B3GAT2: variants seen among roughly 807,000 people sequenced by gnomAD.
B3GAT2 encodes beta-1,3-glucuronyltransferase 2, also known as galactosylgalactosylxylosylprotein 3-beta-glucuronosyltransferase 2.
In B3GAT2, 26 loss-of-function variants were observed where a neutral mutation model predicts 27.8. That is an observed-to-expected ratio of 0.93 (90% CI 0.68 to 1.30). The LOEUF (loss-of-function observed/expected upper bound fraction) is 1.30. B3GAT2 is among the 50% of genes most tolerant of loss of function. The pLI is 0.00. For missense variants in B3GAT2, 458 were observed against 459.0 expected (o/e 1.00, Z 0.02); for synonymous variants, 218 against 195.1 (o/e 1.12, Z -0.98).
chr6:70,888,080 T>A (rs915714460), intron 2 of B3GAT2, among the ~76,000 whole-genome samples: 1 of 151,752 alleles, frequency 6.6e-6, no homozygotes, highest in Non-Finnish European at 1.5e-5. Context: ...CGAGGTGGAG[T>A]GGACACGGGA....
At chr6:70,936,691 T>C (rs527745971) in intron 1 of B3GAT2, among the ~76,000 whole-genome samples, 189 of 152,116 alleles carry the variant, frequency 1.2e-3, no homozygotes, top group African/African-American at 4.3e-3. Context: ...AATAAAGATG[T>C]TCTTTGAAAC....
At chr6:70,915,422 T>C (rs987715134) in intron 1 of B3GAT2, among the ~76,000 whole-genome samples, 1 of 152,270 alleles carries the variant, frequency 6.6e-6, no homozygotes, top group African/African-American at 2.4e-5. Flanking sequence ...AGATGCCATT[T>C]GTCAATTTTG....
At chr6:70,910,429 G>A (rs1488542057) in intron 1 of B3GAT2, among the ~76,000 whole-genome samples, 1 of 152,096 alleles carries the variant, frequency 6.6e-6, no homozygotes, top group African/African-American at 2.4e-5. Context: ...GCAGCATTTG[G>A]TTTTCTGTTC....
intron 1 of B3GAT2, among the ~76,000 whole-genome samples, chr6:70,937,491 C>T (rs1765311906): frequency 1.3e-5 from 2 of 152,008 alleles, no homozygotes; most frequent in Admixed American, 6.6e-5. Context: ...AACATGGATG[C>T]AAAAATCCTC....
At chr6:70,899,903 G>A (rs1772467344) in intron 1 of B3GAT2, among the ~76,000 whole-genome samples, 1 of 152,134 alleles carries the variant, frequency 6.6e-6, no homozygotes, top group Non-Finnish European at 1.5e-5. Flanking sequence ...AATATTCTCA[G>A]TATTTAAAAG....
rs3734372 is a variant in B3GAT2 at position 70,859,138 on chromosome 6, T to C, written c.*2525A>G. ...TGATTTCTAACATTAGCACAATCAC[T>C]ATATATCACAGTTAATTTTGCTACC... On this transcript the variant is annotated 3_prime_UTR_variant, in exon 4 of 4. Transcript: ENST00000230053. 0.19 allele frequency: 94,395 copies of C among 497,784 alleles called. 10,550 individuals are homozygous for C. Among genetic ancestry groups the C allele is most frequent in the East Asian group, 0.32 (9,612 of 30,336 alleles). The allele number at this position is 497,784 out of a possible 1,614,324, so 30.8% of individuals were successfully genotyped here.
intron 2 of B3GAT2, among the ~76,000 whole-genome samples, chr6:70,877,781 T>G (rs1772038096): frequency 6.6e-6 from 1 of 152,164 alleles, no homozygotes; most frequent in Non-Finnish European, 1.5e-5. Flanking sequence ...TACAAAGGCA[T>G]AGATACCTGA....
chr6:70,869,699 T>C (rs1198953650), intron 2 of B3GAT2, among the ~76,000 whole-genome samples: 1 of 152,232 alleles, frequency 6.6e-6, no homozygotes. Flanking sequence ...AGATTGTTCA[T>C]TGCTAGTGTA....
Position 70,956,890 on chromosome 6 carries a change from C to A in B3GAT2, c.-461G>T, listed in dbSNP as rs1311763350. 9.9e-7 allele frequency: 1 copy of A among 1,013,642 alleles called. No individual in the cohort carries two copies. Among genetic ancestry groups the A allele is most frequent in the Non-Finnish European group, 1.2e-6 (1 of 848,754 alleles). The allele number at this position is 1,013,642 out of a possible 1,614,324, so 62.8% of individuals were successfully genotyped here. A position where few individuals can be genotyped will look rare whatever the true frequency, so the allele number is the denominator to read the frequency against. ...CCCAGGACGCTCTCTGGGACGCCTT[C>A]GAGGGCGGGCGGCGGCGCTGGGGGC... On this transcript the variant is annotated 5_prime_UTR_variant, in exon 1 of 4. Coordinates refer to ENST00000230053, the MANE Select transcript of B3GAT2 (RefSeq NM_080742.3).
intron 2 of B3GAT2, among the ~76,000 whole-genome samples, chr6:70,868,907 G>A (rs1771893536): frequency 6.6e-6 from 1 of 152,118 alleles, no homozygotes; most frequent in East Asian, 1.9e-4. Flanking sequence ...TTGGAATGTT[G>A]TGTGTTTCCA....
intron 1 of B3GAT2, among the ~76,000 whole-genome samples, chr6:70,953,420 CAAT>C (rs1013177215): frequency 1.3e-5 from 2 of 152,054 alleles, no homozygotes; most frequent in African/African-American, 2.4e-5. Flanking sequence ...TGATGGAATT[CAAT>C]AATGTTTGCC....
intron 1 of B3GAT2, among the ~76,000 whole-genome samples, chr6:70,941,632 C>T (rs1319133532): frequency 6.6e-6 from 1 of 152,100 alleles, no homozygotes; most frequent in Non-Finnish European, 1.5e-5. Flanking sequence ...GTAGGGACCA[C>T]GTTTATCTTC....
chr6:70,884,453 A>G (rs1232286960), intron 2 of B3GAT2, among the ~76,000 whole-genome samples: 2 of 152,208 alleles, frequency 1.3e-5, no homozygotes, highest in Non-Finnish European at 2.9e-5. Flanking sequence ...ACCATCAGAG[A>G]CTGTGCCCGG....
At chr6:70,877,300 C>CA (rs1043517378) in intron 2 of B3GAT2, among the ~76,000 whole-genome samples, 49 of 152,140 alleles carry the variant, frequency 3.2e-4, no homozygotes, top group Admixed American at 3.9e-4. Flanking sequence ...AAGGAGCTTA[C>CA]ATCAGAACCT....
At chr6:70,920,661 T>A (rs1003003000) in intron 1 of B3GAT2, among the ~76,000 whole-genome samples, 2 of 152,244 alleles carry the variant, frequency 1.3e-5, no homozygotes, top group Non-Finnish European at 2.9e-5. Flanking sequence ...ATGTGTTGAT[T>A]TGATCCTGTC....
At chr6:70,950,304 T>C (rs74560110) in intron 1 of B3GAT2, among the ~76,000 whole-genome samples, 1 of 138,106 alleles carries the variant, frequency 7.2e-6, no homozygotes, top group Non-Finnish European at 1.6e-5. Context: ...AAAAAAATTT[T>C]ATTTTTCAAT....
chr6:70,916,766 AG>A (rs1278582133), intron 1 of B3GAT2, among the ~76,000 whole-genome samples: 2 of 152,142 alleles, frequency 1.3e-5, no homozygotes, highest in Non-Finnish European at 2.9e-5. Context: ...GTAGTGGATA[AG>A]CTTTTTGATG....
At chr6:70,890,538 A>G (rs1009471192) in intron 2 of B3GAT2, among the ~76,000 whole-genome samples, 2 of 152,184 alleles carry the variant, frequency 1.3e-5, no homozygotes, top group African/African-American at 2.4e-5. Context: ...CACTGATTAC[A>G]ATGATAATTT....
intron 2 of B3GAT2, among the ~76,000 whole-genome samples, chr6:70,882,470 C>A (rs543341630): frequency 2.2e-4 from 33 of 152,212 alleles, no homozygotes; most frequent in African/African-American, 8.0e-4. Context: ...CACTGCACTC[C>A]AGCCTGGGGG....
Sources: gnomAD v4.1 joint callset for allele counts (sites outside exome capture counted in the v4.1 genomes callset) on GRCh38, gnomAD v4.1.1 for gene constraint, MANE v1.5 for transcripts, NCBI Gene and HGNC (gene_info 2026-07-23, HGNC 2026-07-21) for gene names.